Variants in MTRF1 observed in about 807,000 individuals in gnomAD.
MTRF1 encodes the protein mitochondrial translation release factor 1.
Under a neutral mutation model 62.9 loss-of-function variants are expected in MTRF1, and 51 were observed. The ratio of observed to expected loss-of-function variants is 0.81; its 90% CI spans 0.65 to 1.02. MTRF1 has a LOEUF of 1.02. MTRF1 is among the 50% of genes least tolerant of loss of function. The pLI, the probability that MTRF1 is intolerant of heterozygous loss-of-function variation, is 0.00. For missense variants in MTRF1, 446 were observed against 530.0 expected (o/e 0.84, Z 1.56); for synonymous variants, 158 against 181.9 (o/e 0.87, Z 1.06).
chr13:41,248,521 C>T (rs1320126795), intron 5 of MTRF1, among the ~76,000 whole-genome samples: 2 of 152,158 alleles, frequency 1.3e-5, no homozygotes, highest in East Asian at 1.9e-4. Context: ...ACCCTGGGAT[C>T]GAATTACTCC....
In MTRF1 at chr13:41,226,524, T is replaced by C. The variant is rs774219610; in HGVS notation, c.1033A>G (p.Lys345Glu). The C allele has an allele frequency of 6.2e-7, 1 of 1,613,914 alleles. No homozygotes were observed. The highest frequency in any genetic ancestry group is 8.5e-7 in the Non-Finnish European group (1 of 1,179,982). ...CTCAACACACGAAAGGCTATTTCTT[T>C]ATTTTTTATCTGTGATCTTTCTTGT... ...CQQERSQIKN[K>E]EIAFRVLRAR... Residue 345 changes from lysine (K) to glutamate (E), a missense_variant, in exon 8 of 10, where the codon AAA becomes GAA. Transcript: ENST00000379480.
upstream of MTRF1, among the ~76,000 whole-genome samples, chr13:41,266,996 CAAAAAAAAAA>C (rs59609555): frequency 8.0e-4 from 65 of 81,184 alleles, no homozygotes; most frequent in Non-Finnish European, 1.6e-4. Flanking sequence ...GACTCTGTCT[CAAAAAAAAAA>C]AAAAAAAAAA....
At chr13:41,305,131 A>G in the MTRF1 span, among the ~76,000 whole-genome samples, 8,269 of 152,260 alleles carry the variant, frequency 0.054, 755 homozygotes, top group African/African-American at 0.19. Flanking sequence ...ATAATGGCTC[A>G]CTGCAGCGTC....
chr13:41,259,091 G>A (rs1035077743), intron 2 of MTRF1, among the ~76,000 whole-genome samples: 37 of 152,240 alleles, frequency 2.4e-4, no homozygotes, highest in African/African-American at 8.9e-4. Context: ...TTCATAGGAT[G>A]GCAATAATTG....
chr13:41,304,968 A>G, the MTRF1 span, among the ~76,000 whole-genome samples: 1 of 152,210 alleles, frequency 6.6e-6, no homozygotes, highest in Non-Finnish European at 1.5e-5. Context: ...GAACAAATGA[A>G]CTGGTGATAT....
the MTRF1 span, among the ~76,000 whole-genome samples, chr13:41,273,302 G>A: frequency 2.5e-4 from 38 of 150,974 alleles, no homozygotes; most frequent in Non-Finnish European, 3.8e-4. Flanking sequence ...CTCCAGCCTG[G>A]GCTACAGAGC....
intron 6 of MTRF1, chr13:41,235,910 GTTTTTTTT>G (rs1027679104): frequency 7.0e-6 from 1 of 143,762 alleles, no homozygotes; most frequent in Non-Finnish European, 1.5e-5. Context: ...TTTGTTTTTT[GTTTTTTTT>G]TTTGAGACAG....
chr13:41,307,151 A>G, the MTRF1 span, among the ~76,000 whole-genome samples: 1 of 151,558 alleles, frequency 6.6e-6, no homozygotes, highest in South Asian at 2.1e-4. Flanking sequence ...CCCCCACACT[A>G]GTGTAGACAA....
chr13:41,255,700 TA>T (rs2039619932), intron 2 of MTRF1, among the ~76,000 whole-genome samples: 1 of 151,986 alleles, frequency 6.6e-6, no homozygotes, highest in Admixed American at 6.6e-5. Flanking sequence ...TTTAAAAAAA[TA>T]AAATACATAT....
chr13:41,239,387 T>C (rs1342466615), intron 6 of MTRF1, among the ~76,000 whole-genome samples: 1 of 152,170 alleles, frequency 6.6e-6, no homozygotes, highest in African/African-American at 2.4e-5. Flanking sequence ...GAGATCTATG[T>C]GAAAGATTTG....
the MTRF1 span, among the ~76,000 whole-genome samples, chr13:41,270,636 G>C: frequency 4.6e-5 from 7 of 152,140 alleles, no homozygotes; most frequent in Non-Finnish European, 1.0e-4. Flanking sequence ...ATAAGGTACA[G>C]AGAGAAAAAG....
At chr13:41,250,465 A>T (rs1168787447) in intron 5 of MTRF1, among the ~76,000 whole-genome samples, 1 of 151,524 alleles carries the variant, frequency 6.6e-6, no homozygotes, top group African/African-American at 2.4e-5. Flanking sequence ...CTCACCAAAG[A>T]TCTGGTTACT....
At chr13:41,234,497 G>A (rs1202919439) in intron 6 of MTRF1, among the ~76,000 whole-genome samples, 1 of 152,078 alleles carries the variant, frequency 6.6e-6, no homozygotes, top group Non-Finnish European at 1.5e-5. Flanking sequence ...CCATTTTTAA[G>A]CACTGATTTA....
At chr13:41,272,292 G>A in the MTRF1 span, among the ~76,000 whole-genome samples, 3 of 152,136 alleles carry the variant, frequency 2.0e-5, no homozygotes, top group Admixed American at 6.5e-5. Flanking sequence ...TTTTGGTACC[G>A]CAGATGGCAA....
At chr13:41,290,890 C>G in the MTRF1 span, among the ~76,000 whole-genome samples, 2 of 149,466 alleles carry the variant, frequency 1.3e-5, no homozygotes, top group Non-Finnish European at 3.0e-5. Context: ...GTCAGGAGTT[C>G]GAGACCAGCC....
At chr13:41,274,107 A>G in the MTRF1 span, among the ~76,000 whole-genome samples, 1,480 of 152,262 alleles carry the variant, frequency 9.7e-3, 49 homozygotes, top group Admixed American at 0.068. Flanking sequence ...TTTTCCCTTT[A>G]GCTTAGTGAT....
the MTRF1 span, among the ~76,000 whole-genome samples, chr13:41,279,674 A>C: frequency 6.6e-6 from 1 of 152,150 alleles, no homozygotes; most frequent in Non-Finnish European, 1.5e-5. Flanking sequence ...ATTATGAGAC[A>C]CGGAAAAAAA....
intron 5 of MTRF1, 27 bp from the exon 6 acceptor site, chr13:41,240,460 T>C: frequency 6.2e-7 from 1 of 1,601,978 alleles, no homozygotes; most frequent in Non-Finnish European, 8.5e-7. Context: ...CCAGAAATAG[T>C]AATGAATTAT....
chr13:41,295,918 T>C, the MTRF1 span, among the ~76,000 whole-genome samples: 3 of 151,224 alleles, frequency 2.0e-5, no homozygotes, highest in African/African-American at 7.3e-5. Flanking sequence ...GGACTACTGA[T>C]GCATGCCAGA....
Sources: allele counts gnomAD v4.1 joint callset (sites outside exome capture counted in the v4.1 genomes callset), GRCh38; gene constraint gnomAD v4.1.1; transcripts MANE v1.5; gene names NCBI Gene and HGNC (gene_info 2026-07-23, HGNC 2026-07-21).